The following HOMEZ variants were observed in gnomAD, a reference collection of about 807,000 sequenced individuals.
The protein encoded by HOMEZ is homeobox and leucine zipper encoding, also known as homeobox and leucine zipper protein Homez.
A neutral mutation model predicts 50.1 loss-of-function variants in HOMEZ; 20 were observed. The observed-to-expected ratio is 0.40, with a 90% CI of 0.28 to 0.58. The LOEUF is 0.58. Among genes scored for constraint, HOMEZ ranks in the 20% least tolerant of loss-of-function variants. HOMEZ has a pLI of 0.46. For synonymous variants in HOMEZ, 239 were observed against 254.7 expected (o/e 0.94, Z 0.59); for missense variants, 579 against 680.5 (o/e 0.85, Z 1.66).
intron 1 of HOMEZ, among the ~76,000 whole-genome samples, chr14:23,282,067 C>T (rs1246499802): frequency 6.6e-6 from 1 of 152,026 alleles, no homozygotes; most frequent in African/African-American, 2.4e-5. Context: ...GACATTATAA[C>T]TAGAACAAAG....
chr14:23,285,867 G>A (rs774445975), intron 1 of HOMEZ, 46 bp downstream of exon 1: 10 of 1,122,410 alleles, frequency 8.9e-6, no homozygotes, highest in African/African-American at 1.6e-5. Context: ...GTGGGAGACC[G>A]TACACGAGCT....
chr14:23,273,114 T>G lies in HOMEZ; in HGVS notation c.*2461A>C. ...TGCTTCAGGAAGATGTTTATATCTC[T>G]TCCAGAAGACACTGGTAGCTCCCCT... On this transcript the variant is annotated 3_prime_UTR_variant, in exon 2 of 2. Coordinates refer to ENST00000357460, the MANE Select transcript of HOMEZ (RefSeq NM_020834.3). 4.0e-5 allele frequency: 15 copies of G among 375,988 alleles called. No individual in the cohort carries two copies. The highest frequency in any genetic ancestry group is 4.8e-5 in the Non-Finnish European group (10 of 209,866). 23.3% of individuals were successfully genotyped at this position (375,988 alleles called of 1,614,324 possible). A position where few individuals can be genotyped will look rare whatever the true frequency, so the allele number is the denominator to read the frequency against.
rs1886498733 is a variant in HOMEZ, at chr14:23,280,710, T to TTTTTATTTTATTTATTTTA, written c.41-3524_41-3523insTAAAATAAATAAAATAAAA. Among the ~76,000 whole-genome samples, 3 of 62,102 alleles carry TTTTTATTTTATTTATTTTA rather than the reference T, an allele frequency of 4.8e-5. 1 individual carries two copies. The highest frequency in any genetic ancestry group is 2.0e-4 in the Admixed American group (1 of 5,002). The allele number at this position is 62,102 out of a possible 152,430, so 40.7% of individuals were successfully genotyped here. A position where few individuals can be genotyped will look rare whatever the true frequency, so the allele number is the denominator to read the frequency against. The stretch of plus-strand genomic sequence containing the variant: ...TTTTATTTTTATTTTTATATTTTTA[T>TTTTTATTTTATTTATTTTA]TTTTATTTTATTTTATTTTATTTTA... On this transcript the variant is annotated intron_variant, in intron 1 of 1. Transcript: ENST00000357460.
intron 1 of HOMEZ, among the ~76,000 whole-genome samples, chr14:23,283,126 T>C (rs1454057704): frequency 1.3e-5 from 2 of 152,228 alleles, no homozygotes; most frequent in Admixed American, 6.5e-5. Context: ...TGAGGAGTCC[T>C]AGCGCAGAGG....
intron 1 of HOMEZ, among the ~76,000 whole-genome samples, chr14:23,284,118 C>T (rs1434592666): frequency 6.6e-6 from 1 of 152,186 alleles, no homozygotes; most frequent in East Asian, 1.9e-4. Flanking sequence ...AAAGTTATGA[C>T]TAACCTTCCC....
chr14:23,282,759 G>A (rs1333712484), intron 1 of HOMEZ, among the ~76,000 whole-genome samples: 1 of 152,232 alleles, frequency 6.6e-6, no homozygotes, highest in Non-Finnish European at 1.5e-5. Flanking sequence ...TAGGTGGCTT[G>A]ATGTCCTTCA....
Position 23,275,610 on chromosome 14 carries a change from C to G in HOMEZ, c.1618G>C (p.Asp540His), listed in dbSNP as rs1594961757. ...EEEEEEEEDD[D>H]DDDDDVIIQD ...ATGATCACATCATCATCATCATCAT[C>G]ATCATCTTCCTCCTCCTCCTCCTCC... The change falls in exon 2 of 2, where the codon GAT becomes CAT. Residue 540 changes from aspartate to histidine, a missense_variant. Coordinates refer to ENST00000357460, the MANE Select transcript of HOMEZ (RefSeq NM_020834.3). 1 of 1,533,902 alleles carries G rather than the reference C, an allele frequency of 6.5e-7. No individual in the cohort carries two copies.
intron 1 of HOMEZ, among the ~76,000 whole-genome samples, chr14:23,280,714 TA>T (rs1308997869): frequency 3.3e-5 from 2 of 60,332 alleles, no homozygotes; most frequent in Admixed American, 2.0e-4. Context: ...TTTTTATTTT[TA>T]TTTTATTTTA....
chr14:23,279,406 C>T (rs1023691371), intron 1 of HOMEZ, among the ~76,000 whole-genome samples: 12 of 152,022 alleles, frequency 7.9e-5, no homozygotes, highest in Admixed American at 2.6e-4. Flanking sequence ...AGGGTTAGAC[C>T]GCACAGGCTA....
At position 23,273,722 on chromosome 14, in the gene HOMEZ, C is replaced by T. The variant is rs1457440909; in HGVS notation, c.*1853G>A. Reference sequence around the variant, plus strand: ...TAGGATCCCCATACCCTTTCTGGTACTCTGAATTTATTTTAAAGGCATTTC... The same window carrying T: ...TAGGATCCCCATACCCTTTCTGGTATTCTGAATTTATTTTAAAGGCATTTC... On this transcript the variant is annotated 3_prime_UTR_variant, in exon 2 of 2. Coordinates refer to ENST00000357460, the MANE Select transcript of HOMEZ (RefSeq NM_020834.3). The T allele has an allele frequency of 6.6e-6, 1 of 152,180 alleles. No individual in the cohort carries two copies. Among genetic ancestry groups the T allele is most frequent in the Non-Finnish European group, 1.5e-5 (1 of 68,032 alleles). 9.4% of individuals were successfully genotyped at this position (152,180 alleles called of 1,614,324 possible). A position where few individuals can be genotyped will look rare whatever the true frequency, so the allele number is the denominator to read the frequency against.
Position 23,272,674 on chromosome 14 carries a change from AAGTT to A in HOMEZ, c.*2897_*2900del, listed in dbSNP as rs985665349. 1 of 651,808 alleles carries A rather than the reference AAGTT, an allele frequency of 1.5e-6. No individual in the cohort carries two copies. The highest frequency in any genetic ancestry group is 2.8e-6 in the Non-Finnish European group (1 of 362,978). The allele number at this position is 651,808 out of a possible 1,614,324, so 40.4% of individuals were successfully genotyped here. ...AGATGTAGCAAATCCTAGTTTGGAAAAGTTAGTTATCATGCAATGAAGAAAACTA... is the reference window on the plus strand; with the variant it reads ...AGATGTAGCAAATCCTAGTTTGGAAAAGTTATCATGCAATGAAGAAAACTA... On this transcript the variant is annotated 3_prime_UTR_variant, in exon 2 of 2. Coordinates refer to ENST00000357460, the MANE Select transcript of HOMEZ (RefSeq NM_020834.3).
intron 1 of HOMEZ, among the ~76,000 whole-genome samples, chr14:23,280,712 T>TCA (rs1555323557): frequency 6.9e-5 from 4 of 58,268 alleles, no homozygotes; most frequent in Non-Finnish European, 1.3e-4. Context: ...TATTTTTATT[T>TCA]TTATTTTATT....
chr14:23,275,623 C>A lies in HOMEZ; in HGVS notation c.1605G>T (p.Glu535Asp). 1 of 1,467,014 alleles carries A rather than the reference C, an allele frequency of 6.8e-7. No homozygotes were observed. Among genetic ancestry groups the A allele is most frequent in the Non-Finnish European group, 9.2e-7 (1 of 1,087,630 alleles). The allele number at this position is 1,467,014 out of a possible 1,614,324, so 90.9% of individuals were successfully genotyped here. ...PEDDEEEEEE[E>D]EEDDDDDDDD... ...CATCATCATCATCATCATCTTCCTCCTCCTCCTCCTCCTCTTCCTCATCAT... is the reference window on the plus strand; with the variant it reads ...CATCATCATCATCATCATCTTCCTCATCCTCCTCCTCCTCTTCCTCATCAT... The change falls in exon 2 of 2, where the codon GAG becomes GAT. Residue 535 changes from glutamate to aspartate, a missense_variant. Physicochemically the swap from Glu to Asp is conservative, Grantham distance 45. Coordinates refer to ENST00000357460, the MANE Select transcript of HOMEZ (RefSeq NM_020834.3).
intron 1 of HOMEZ, among the ~76,000 whole-genome samples, chr14:23,278,240 C>A (rs912468313): frequency 6.6e-6 from 1 of 151,900 alleles, no homozygotes; most frequent in African/African-American, 2.4e-5. Context: ...CTATTCAAAC[C>A]CACTTCTAGA....
chr14:23,276,205 T>C lies in HOMEZ; in HGVS notation c.1023A>G (p.Pro341=), dbSNP rs1363715000. The part of the protein sequence containing the change: ...WPQGLRHNSV[P]GRVGPTEYLS... ...GGTACTCTGTGGGGCCAACTCTACC[T>C]GGTACTGAGTTATGCCGTAGCCCTT... Residue 341 remains proline (P), a synonymous_variant, in exon 2 of 2, where the codon CCA becomes CCG. Coordinates refer to ENST00000357460, the MANE Select transcript of HOMEZ (RefSeq NM_020834.3). The surrounding 1 kb of genome is among the most constrained non-coding windows in gnomAD (Gnocchi z 4.1). 8 of 1,614,012 alleles carry C rather than the reference T, an allele frequency of 5.0e-6. No individual in the cohort carries two copies. Among genetic ancestry groups the C allele is most frequent in the Non-Finnish European group, 6.8e-6 (8 of 1,179,890 alleles).
intron 1 of HOMEZ, among the ~76,000 whole-genome samples, chr14:23,282,960 C>G (rs914765082): frequency 1.3e-5 from 2 of 152,140 alleles, no homozygotes; most frequent in African/African-American, 4.8e-5. Flanking sequence ...TGGCTTTGAA[C>G]TAAGAGAAAA....
Position 23,272,981 on chromosome 14 carries a change from TC to T in HOMEZ, c.*2593del. ...AGGGGTGATGGCCCTGGAAAATGTA[TC>T]CCTGCATTGTTTCCTAGTTTCACTC... On this transcript the variant is annotated 3_prime_UTR_variant, in exon 2 of 2. Coordinates refer to ENST00000357460, the MANE Select transcript of HOMEZ (RefSeq NM_020834.3). 1.4e-6 allele frequency: 1 copy of T among 707,496 alleles called. No individual in the cohort carries two copies. Among genetic ancestry groups the T allele is most frequent in the South Asian group, 1.9e-5 (1 of 51,666 alleles). 43.8% of individuals were successfully genotyped at this position (707,496 alleles called of 1,614,324 possible).
chr14:23,280,859 C>T (rs993797530), intron 1 of HOMEZ, among the ~76,000 whole-genome samples: 30 of 150,046 alleles, frequency 2.0e-4, no homozygotes, highest in Admixed American at 4.1e-4. Context: ...CTGCAACCTC[C>T]GCCTCCTGGG....
chr14:23,280,774 T>TTTTATTTTATTTTA lies in HOMEZ; in HGVS notation c.41-3601_41-3588dup, dbSNP rs1566451322. Among the ~76,000 whole-genome samples, 5 of 131,706 alleles carry TTTTATTTTATTTTA rather than the reference T, an allele frequency of 3.8e-5. No homozygotes were observed. In the South Asian group the frequency reaches 1.0e-3, roughly 27 times the overall value. The allele number at this position is 131,706 out of a possible 152,430, so 86.4% of individuals were successfully genotyped here. ...TTTTATTTTATTTTATTTTATTTTA[T>TTTTATTTTATTTTA]TTTATTTTATTTTATTTGGAGACGG... On this transcript the variant is annotated intron_variant, in intron 1 of 1. Transcript: ENST00000357460.
Sources: allele counts gnomAD v4.1 joint callset (sites outside exome capture counted in the v4.1 genomes callset), GRCh38; gene constraint gnomAD v4.1.1; non-coding constraint Gnocchi (gnomAD v3.1); transcripts MANE v1.5; gene names NCBI Gene and HGNC (gene_info 2026-07-23, HGNC 2026-07-21).